CAMK2D: variants seen among roughly 807,000 people sequenced by gnomAD.
CAMK2D encodes calcium/calmodulin dependent protein kinase II delta.
In CAMK2D, 37 loss-of-function variants were observed where a neutral mutation model predicts 84.0. The observed-to-expected ratio is 0.44, with a 90% CI of 0.34 to 0.58. The LOEUF (loss-of-function observed/expected upper bound fraction) is 0.58. Among genes scored for constraint, CAMK2D ranks in the 20% least tolerant of loss-of-function variants. The pLI, the probability that CAMK2D is intolerant of heterozygous loss-of-function variation, is 0.02. For missense variants in CAMK2D, 448 were observed against 652.5 expected (o/e 0.69, Z 3.41); for synonymous variants, 202 against 212.5 (o/e 0.95, Z 0.43).
At chr4:113,747,305 C>T (rs370406519) in intron 2 of CAMK2D, among the ~76,000 whole-genome samples, 1 of 114,500 alleles carries the variant, frequency 8.7e-6, no homozygotes, top group Non-Finnish European at 1.9e-5. Context: ...GAATTTTGAA[C>T]TTTTTTTTTT....
chr4:113,459,353 G>T (rs1336864312), intron 18 of CAMK2D, among the ~76,000 whole-genome samples: 1 of 151,916 alleles, frequency 6.6e-6, no homozygotes, highest in Non-Finnish European at 1.5e-5. Context: ...CAAGTAGCTG[G>T]GACTATAGGT....
At chr4:113,728,960 A>G (rs2099554226) in intron 2 of CAMK2D, among the ~76,000 whole-genome samples, 1 of 152,144 alleles carries the variant, frequency 6.6e-6, no homozygotes, top group African/African-American at 2.4e-5. Flanking sequence ...CTCTACCTAA[A>G]ACTAATTTCT....
intron 4 of CAMK2D, among the ~76,000 whole-genome samples, chr4:113,565,473 A>G (rs2098718473): frequency 6.6e-6 from 1 of 152,098 alleles, no homozygotes; most frequent in Non-Finnish European, 1.5e-5. Flanking sequence ...CCACATGGTG[A>G]AACCCCGTCT....
chr4:113,728,681 C>G (rs372295858), intron 2 of CAMK2D, among the ~76,000 whole-genome samples: 2 of 152,040 alleles, frequency 1.3e-5, no homozygotes, highest in African/African-American at 4.8e-5. Flanking sequence ...GAACTAGGTT[C>G]AAATTGTGAT....
At chr4:113,570,743 T>C (rs1318154521) in intron 4 of CAMK2D, among the ~76,000 whole-genome samples, 2 of 152,084 alleles carry the variant, frequency 1.3e-5, no homozygotes, top group Non-Finnish European at 2.9e-5. Context: ...GTCTGAGCAA[T>C]GAATTTTTAA....
At chr4:113,645,453 G>C (rs571386906) in intron 3 of CAMK2D, among the ~76,000 whole-genome samples, 138 of 152,122 alleles carry the variant, frequency 9.1e-4, no homozygotes, top group African/African-American at 3.2e-3. Context: ...ATGACAAAGA[G>C]GTAGCACTGC....
intron 8 of CAMK2D, among the ~76,000 whole-genome samples, chr4:113,526,182 G>A (rs1192126765): frequency 1.3e-5 from 2 of 152,138 alleles, no homozygotes; most frequent in Non-Finnish European, 2.9e-5. Flanking sequence ...TTTCATAGCT[G>A]TGTGATCTCA....
intron 4 of CAMK2D, among the ~76,000 whole-genome samples, chr4:113,600,244 A>C (rs2098946046): frequency 6.6e-6 from 1 of 152,198 alleles, no homozygotes; most frequent in South Asian, 2.1e-4. Flanking sequence ...AAACCCATAC[A>C]ATGTAAAACA....
intron 3 of CAMK2D, among the ~76,000 whole-genome samples, chr4:113,646,541 G>T (rs1424178316): frequency 1.3e-5 from 2 of 152,210 alleles, no homozygotes; most frequent in Admixed American, 6.5e-5. Context: ...ATGAGCAAAG[G>T]CCTGCAGGAA....
intron 4 of CAMK2D, among the ~76,000 whole-genome samples, chr4:113,589,259 G>C (rs2098847975): frequency 6.6e-6 from 1 of 152,144 alleles, no homozygotes; most frequent in Non-Finnish European, 1.5e-5. Flanking sequence ...GGTGAGGGTA[G>C]AAAGAGGAAA....
intron 1 of CAMK2D, among the ~76,000 whole-genome samples, chr4:113,759,791 T>C (rs2099636622): frequency 6.6e-6 from 1 of 152,194 alleles, no homozygotes; most frequent in Admixed American, 6.5e-5. Flanking sequence ...CTTATTTTGG[T>C]AGGAAACAAA....
In CAMK2D at chr4:113,494,637, G is replaced by A. The variant is rs552353907; in HGVS notation, c.1135+5826C>T. ...CCAGAGGTGGAGCCTACAGAGGCAG[G>A]CAGGCCTCCTTGAGCTGTGGTGGGC... On this transcript the variant is annotated intron_variant, in intron 16 of 20. Coordinates refer to ENST00000511664, the MANE Select transcript of CAMK2D (RefSeq NM_001321571.2). Among the ~76,000 whole-genome samples the A allele has an allele frequency of 2.6e-5, 4 of 152,354 alleles. No individual in the cohort carries two copies. The East Asian group carries it at 7.7e-4, about 29-fold the overall frequency.
At chr4:113,460,016 C>G (rs1336708207) in intron 18 of CAMK2D, 131 bp downstream of exon 18, 14 of 656,264 alleles carry the variant, frequency 2.1e-5, no homozygotes, top group Non-Finnish European at 3.6e-5. Context: ...GAATACAAAA[C>G]CATTGTATGG....
rs150866292 is a variant in CAMK2D, at chr4:113,728,963, T to A, written c.160+30357A>T. On this transcript the variant is annotated intron_variant, in intron 2 of 20. Transcript: ENST00000511664. ...ACACATGCAATTCTCTACCTAAAACTAATTTCTTGCCACAGTAGTTTACAA... is the reference window on the plus strand; with the variant it reads ...ACACATGCAATTCTCTACCTAAAACAAATTTCTTGCCACAGTAGTTTACAA... 2.6e-5 allele frequency among the ~76,000 whole-genome samples: 4 copies of A among 152,172 alleles called. No individual in the cohort carries two copies. The East Asian group carries it at 5.8e-4, about 22-fold the overall frequency.
intron 3 of CAMK2D, among the ~76,000 whole-genome samples, chr4:113,626,315 T>G (rs1369929526): frequency 6.6e-6 from 1 of 152,186 alleles, no homozygotes; most frequent in Non-Finnish European, 1.5e-5. Flanking sequence ...GTGGATGAAA[T>G]CTACTCTTGG....
At chr4:113,680,844 G>T (rs1451690440) in intron 2 of CAMK2D, among the ~76,000 whole-genome samples, 1 of 152,174 alleles carries the variant, frequency 6.6e-6, no homozygotes, top group African/African-American at 2.4e-5. Context: ...TTAATGATAG[G>T]TCTGATTTAT....
intron 2 of CAMK2D, among the ~76,000 whole-genome samples, chr4:113,667,992 C>A (rs1331633872): frequency 2.0e-5 from 3 of 151,748 alleles, no homozygotes; most frequent in African/African-American, 7.3e-5. Context: ...AGAAGTGAAA[C>A]TTTTTGAAAG....
At chr4:113,520,621 C>CT (rs200624088) in intron 8 of CAMK2D, among the ~76,000 whole-genome samples, 3,512 of 151,664 alleles carry the variant, frequency 0.023, 140 homozygotes, top group African/African-American at 0.079. Context: ...ATGAAGAAGT[C>CT]TTTTTTTTGC....
chr4:113,678,093 G>A (rs1412143024), intron 2 of CAMK2D, among the ~76,000 whole-genome samples: 3 of 152,106 alleles, frequency 2.0e-5, no homozygotes, highest in African/African-American at 2.4e-5. Context: ...CAAGTTAAAT[G>A]AAAAATACCC....
Sources: gnomAD v4.1 joint callset for allele counts (sites outside exome capture counted in the v4.1 genomes callset) on GRCh38, gnomAD v4.1.1 for gene constraint, MANE v1.5 for transcripts, NCBI Gene and HGNC (gene_info 2026-07-23, HGNC 2026-07-21) for gene names.